RANBP2: variants seen among roughly 807,000 people sequenced by gnomAD.
RANBP2 encodes the protein RAN binding protein 2.
RANBP2 carries 57 observed loss-of-function variants against 303.6 expected under a neutral mutation model. That is an observed-to-expected ratio of 0.19 (90% CI 0.15 to 0.23). The LOEUF (loss-of-function observed/expected upper bound fraction) is 0.23, where lower values mean the gene tolerates loss of function less well. Ranked by LOEUF, RANBP2 falls within the 10% of genes least tolerant of loss-of-function variation. The pLI, the probability that RANBP2 is intolerant of heterozygous loss-of-function variation, is 1.00. For synonymous variants in RANBP2, 1,167 were observed against 1,301.5 expected (o/e 0.90, Z 2.23); for missense variants, 3,138 against 3,780.8 (o/e 0.83, Z 4.46).
chr2:109,370,364 C>T, the RANBP2 span, among the ~76,000 whole-genome samples: 14 of 152,188 alleles, frequency 9.2e-5, no homozygotes, highest in East Asian at 1.4e-3. Flanking sequence ...CTCAGACTCC[C>T]AAGTAGCTGG....
At chr2:109,382,801 C>G in the RANBP2 span, among the ~76,000 whole-genome samples, 1 of 152,236 alleles carries the variant, frequency 6.6e-6, no homozygotes, top group African/African-American at 2.4e-5. Flanking sequence ...GTTAGCACCC[C>G]CAATGTTCTC....
the RANBP2 span, among the ~76,000 whole-genome samples, chr2:109,473,734 A>T: frequency 3.8e-5 from 1 of 26,422 alleles, no homozygotes; most frequent in African/African-American, 1.5e-4. Flanking sequence ...CACCCCACCC[A>T]CTCCTGCCTG....
At chr2:109,125,216 C>T in the RANBP2 span, among the ~76,000 whole-genome samples, 11 of 152,132 alleles carry the variant, frequency 7.2e-5, no homozygotes, top group Admixed American at 3.9e-4. Context: ...CCTCTGCCCA[C>T]GTCCCTCCAC....
At chr2:108,948,362 CTCTG>C in the RANBP2 span, among the ~76,000 whole-genome samples, 1 of 152,216 alleles carries the variant, frequency 6.6e-6, no homozygotes, top group South Asian at 2.1e-4. Flanking sequence ...CTATTTCAAC[CTCTG>C]TCTGTTACTC....
the RANBP2 span, among the ~76,000 whole-genome samples, chr2:108,831,230 A>G: frequency 1.3e-5 from 2 of 152,172 alleles, no homozygotes; most frequent in African/African-American, 4.8e-5. Context: ...GTAAGAAAGC[A>G]AAAGGCAATG....
chr2:108,845,205 T>G, the RANBP2 span, among the ~76,000 whole-genome samples: 2 of 152,222 alleles, frequency 1.3e-5, no homozygotes, highest in African/African-American at 4.8e-5. Flanking sequence ...ACACAAAGGT[T>G]TAAAAACATG....
At chr2:109,544,360 T>TA in the RANBP2 span, 10 of 1,556,894 alleles carry the variant, frequency 6.4e-6, no homozygotes, top group East Asian at 2.3e-5. Flanking sequence ...TGGTACAATT[T>TA]AAAAAAAATT....
At chr2:108,773,186 T>C in intron 23 of RANBP2, 140 bp downstream of exon 23, 1 of 871,456 alleles carries the variant, frequency 1.1e-6, no homozygotes, top group Non-Finnish European at 1.8e-6. Context: ...GGCATGCTCG[T>C]GGCTCAATGC....
the RANBP2 span, among the ~76,000 whole-genome samples, chr2:109,548,860 A>T: frequency 6.6e-6 from 1 of 151,756 alleles, no homozygotes; most frequent in African/African-American, 2.4e-5. Flanking sequence ...AAGAAACCAG[A>T]GAGCTAAACT....
chr2:109,620,225 T>G, the RANBP2 span, among the ~76,000 whole-genome samples: 545 of 152,374 alleles, frequency 3.6e-3, 3 homozygotes, highest in Non-Finnish European at 6.2e-3. Flanking sequence ...ATAATTCAAT[T>G]ACATGCATTC....
chr2:108,767,410 G>T lies in RANBP2; in HGVS notation c.6871G>T (p.Val2291Phe), dbSNP rs780545058. 2.5e-5 allele frequency: 40 copies of T among 1,611,844 alleles called. No homozygotes were observed. The highest frequency in any genetic ancestry group is 2.7e-5 in the Non-Finnish European group (32 of 1,179,864). ...PAKLNQSGTS[V>F]GTDEESDVTQ... The stretch of plus-strand genomic sequence containing the variant: ...CAAGTTGAATCAGAGTGGGACTTCA[G>T]TTGGCACTGATGAAGAATCTGATGT... The change falls in exon 20 of 29, where the codon GTT (valine) becomes TTT (phenylalanine). Residue 2291 changes from valine (V) to phenylalanine (F), a missense_variant. Val to Phe is a conservative substitution (Grantham distance 50). Coordinates refer to ENST00000283195, the MANE Select transcript of RANBP2 (RefSeq NM_006267.5).
chr2:109,031,723 G>C, the RANBP2 span, among the ~76,000 whole-genome samples: 1 of 152,184 alleles, frequency 6.6e-6, no homozygotes, highest in African/African-American at 2.4e-5. Flanking sequence ...ACCTGGACGC[G>C]CTGCGGGCGC....
chr2:108,910,909 G>A, the RANBP2 span: 1 of 1,614,090 alleles, frequency 6.2e-7, no homozygotes, highest in Non-Finnish European at 8.5e-7. Context: ...TTGACGGAGA[G>A]TCCAGGAAGC....
chr2:109,103,810 T>G, the RANBP2 span, among the ~76,000 whole-genome samples: 1 of 151,876 alleles, frequency 6.6e-6, no homozygotes, highest in Admixed American at 6.6e-5. Context: ...TTTTTTTTTT[T>G]TGAGATGGAG....
the RANBP2 span, chr2:108,929,094 G>C: frequency 7.5e-7 from 1 of 1,332,386 alleles, no homozygotes; most frequent in Non-Finnish European, 1.1e-6. Flanking sequence ...GCTGCACCGA[G>C]GCCTGCAGTA....
chr2:109,133,486 T>G, the RANBP2 span, among the ~76,000 whole-genome samples: 1 of 152,228 alleles, frequency 6.6e-6, no homozygotes. Flanking sequence ...CTGAGGACCT[T>G]TCTTTGAGTT....
the RANBP2 span, among the ~76,000 whole-genome samples, chr2:108,837,908 G>A: frequency 6.6e-6 from 1 of 151,580 alleles, no homozygotes; most frequent in African/African-American, 2.4e-5. Context: ...CTTATGAGGT[G>A]TCTATAATTT....
chr2:108,958,527 G>A, the RANBP2 span, among the ~76,000 whole-genome samples: 2 of 152,162 alleles, frequency 1.3e-5, no homozygotes, highest in African/African-American at 4.8e-5. Context: ...AGGGGGGCAT[G>A]GCAAGACCCT....
the RANBP2 span, among the ~76,000 whole-genome samples, chr2:109,473,087 T>C: frequency 2.6e-5 from 4 of 152,230 alleles, no homozygotes; most frequent in African/African-American, 9.6e-5. Context: ...GTCCCAAGAA[T>C]CTAAAGAGAA....
Sources: allele counts gnomAD v4.1 joint callset (sites outside exome capture counted in the v4.1 genomes callset), GRCh38; gene constraint gnomAD v4.1.1; transcripts MANE v1.5; gene names NCBI Gene and HGNC (gene_info 2026-07-23, HGNC 2026-07-21).